Variants in TCF3 observed in about 807,000 individuals in gnomAD.
The protein encoded by TCF3 is transcription factor E2-alpha.
TCF3 carries 54 observed loss-of-function variants against 72.3 expected under a neutral mutation model. The ratio of observed to expected loss-of-function variants is 0.75; its 90% confidence interval spans 0.60 to 0.94. The LOEUF (loss-of-function observed/expected upper bound fraction) is 0.94, where lower values mean the gene tolerates loss of function less well. Among genes scored for constraint, TCF3 ranks in the 40% least tolerant of loss-of-function variants. The pLI, the probability that TCF3 is intolerant of heterozygous loss-of-function variation, is 0.00. For synonymous variants in TCF3, 525 were observed against 412.6 expected (o/e 1.27, Z -3.30); for missense variants, 1,078 against 934.4 (o/e 1.15, Z -2.00).
At chr19:1,651,122 A>AGATGGGG (rs530256168) in intron 1 of TCF3, 163 of 232,114 alleles carry the variant, frequency 7.0e-4, no homozygotes, top group African/African-American at 3.1e-3. Context: ...CTCCATTCTA[A>AGATGGGG]GATGGGGGAT....
chr19:1,650,857 T>TA (rs1433136117), intron 1 of TCF3: 1 of 230,786 alleles, frequency 4.3e-6, no homozygotes, highest in Non-Finnish European at 8.6e-6. Context: ...CTTCAAGACT[T>TA]AAAGTGCCGG....
intron 1 of TCF3, among the ~76,000 whole-genome samples, chr19:1,652,019 C>A (rs2145854521): frequency 6.6e-6 from 1 of 151,154 alleles, no homozygotes. Flanking sequence ...CCGGCGCCCC[C>A]CGCGCCCCCG....
intron 5 of TCF3, 152 bp downstream of exon 5, chr19:1,631,886 G>T: frequency 1.3e-6 from 2 of 1,524,208 alleles, no homozygotes; most frequent in Non-Finnish European, 1.8e-6. Context: ...CCTCCCCGCA[G>T]CTGCTCCCAG....
intron 3 of TCF3, among the ~76,000 whole-genome samples, chr19:1,636,451 A>G (rs1211582109): frequency 2.0e-5 from 3 of 152,066 alleles, no homozygotes; most frequent in East Asian, 1.9e-4. Context: ...ATGAGCCACA[A>G]CGCCTGGTGA....
rs533848977 is a variant in TCF3, at chr19:1,625,653, G to A, written c.422C>T (p.Ser141Leu). The A allele has an allele frequency of 5.1e-5, 78 of 1,541,424 alleles. No individual in the cohort carries two copies. The African/African-American group carries it at 8.4e-4, about 17-fold the overall frequency. The change falls in exon 7 of 19, where the codon TCG becomes TTG. Residue 141 changes from serine (S) to leucine (L), a missense_variant. By Grantham distance (145) the Ser-to-Leu change is moderately radical. Transcript: ENST00000262965. ...GTACTGGGAGGTCCCCTTCATGCCC[G>A]AAGGGGACAGGGGCCCGGGGCTGTT... is the stretch of plus-strand genomic sequence containing the variant. ...ALNSPGPLSPSGMKGTSQYYP... is the reference protein window; with the variant it reads ...ALNSPGPLSPLGMKGTSQYYP...
chr19:1,622,763 T>C (rs1311719668), intron 8 of TCF3, among the ~76,000 whole-genome samples: 1 of 152,060 alleles, frequency 6.6e-6, no homozygotes, highest in African/African-American at 2.4e-5. Context: ...CAACACCCCA[T>C]CCCATCCTTC....
chr19:1,621,582 G>A (rs962577260), intron 11 of TCF3, among the ~76,000 whole-genome samples: 4 of 151,982 alleles, frequency 2.6e-5, no homozygotes, highest in Non-Finnish European at 4.4e-5. Flanking sequence ...ACCCTGGGTG[G>A]GTGAGTCCCT....
chr19:1,633,465 C>A (rs1043556168), intron 3 of TCF3, among the ~76,000 whole-genome samples: 1 of 152,138 alleles, frequency 6.6e-6, no homozygotes, highest in African/African-American at 2.4e-5. Context: ...CCGCCCCGCC[C>A]CCTGCCCTCC....
At chr19:1,612,217 C>G in intron 18 of TCF3, 1 of 1,583,650 alleles carries the variant, frequency 6.3e-7, no homozygotes, top group Admixed American at 1.7e-5. Flanking sequence ...CTCGCACCTG[C>G]TGCTCCAGCC....
rs551318293 is a variant in TCF3, at chr19:1,618,856, G to A, written c.1450+255C>T. Among the ~76,000 whole-genome samples the A allele has an allele frequency of 3.9e-5, 6 of 152,302 alleles. No individual in the cohort carries two copies. The East Asian group carries it at 7.7e-4, about 20-fold the overall frequency. On this transcript the variant is annotated intron_variant, in intron 16 of 18. Coordinates refer to ENST00000262965, the MANE Select transcript of TCF3 (RefSeq NM_003200.5). ...CCTCGCCCCTTCCCCAGTGCTGAGC[G>A]CTGCCAGGCACACAGCGTCTGGGAG...
intron 13 of TCF3, 34 bp downstream of exon 13, chr19:1,620,934 C>T (rs2062122974): frequency 6.9e-7 from 1 of 1,458,600 alleles, no homozygotes; most frequent in Non-Finnish European, 9.1e-7. Context: ...CCTCACAGAC[C>T]TCAGCCTCCC....
At chr19:1,648,683 C>T (rs951155860) in intron 2 of TCF3, among the ~76,000 whole-genome samples, 36 of 152,208 alleles carry the variant, frequency 2.4e-4, no homozygotes, top group African/African-American at 7.7e-4. Flanking sequence ...GCAGGGTGGC[C>T]GGTGTTGTTT....
At chr19:1,622,627 GC>G (rs1253042350) in intron 8 of TCF3, among the ~76,000 whole-genome samples, 1 of 151,936 alleles carries the variant, frequency 6.6e-6, no homozygotes, top group African/African-American at 2.4e-5. Context: ...TCCTTTTCCA[GC>G]CCCCACCTCC....
intron 8 of TCF3, among the ~76,000 whole-genome samples, chr19:1,623,319 G>A (rs1043908710): frequency 6.6e-6 from 1 of 152,054 alleles, no homozygotes; most frequent in Non-Finnish European, 1.5e-5. Context: ...TAGGGAGGCA[G>A]GGATGCGGGG....
rs1394657708 is a variant in TCF3 at position 1,614,162 on chromosome 19, G to C, written c.1822+1123C>G. 6.6e-6 allele frequency among the ~76,000 whole-genome samples: 1 copy of C among 152,242 alleles called. No homozygotes were observed. Among genetic ancestry groups the C allele is most frequent in the African/African-American group, 2.4e-5 (1 of 41,454 alleles). On this transcript the variant is annotated intron_variant, in intron 18 of 18. Transcript: ENST00000262965. This position sits in a 1 kb window ranked among gnomAD's most constrained non-coding sequence, Gnocchi z 5.6. ...GTCTGGCCCAGTGCCCAGCATGCCTGGTGCCCTGTCTTAGTCTCTAGGGGG... is the reference window on the plus strand; with the variant it reads ...GTCTGGCCCAGTGCCCAGCATGCCTCGTGCCCTGTCTTAGTCTCTAGGGGG...
chr19:1,611,459 G>C lies in TCF3; in HGVS notation c.*248C>G, dbSNP rs1599393345. 2 of 488,662 alleles carry C rather than the reference G, an allele frequency of 4.1e-6. No homozygotes were observed. Among genetic ancestry groups the C allele is most frequent in the Non-Finnish European group, 3.6e-6 (1 of 279,668 alleles). The allele number at this position is 488,662 out of a possible 1,614,324, so 30.3% of individuals were successfully genotyped here. On this transcript the variant is annotated 3_prime_UTR_variant, in exon 19 of 19. Coordinates refer to ENST00000262965, the MANE Select transcript of TCF3 (RefSeq NM_003200.5). ...ATGGGACAGGTCACAGAGTGACACG[G>C]TGGCTGAGATTCGGGGACAGGGGGA... is the stretch of plus-strand genomic sequence containing the variant.
At chr19:1,651,510 A>ATGTC (rs531143820) in intron 1 of TCF3, among the ~76,000 whole-genome samples, 2 of 152,324 alleles carry the variant, frequency 1.3e-5, no homozygotes, top group South Asian at 4.1e-4. Flanking sequence ...ATTTTAAGAC[A>ATGTC]GACTTAGTTG....
In TCF3 at chr19:1,615,749, G is replaced by A. The variant is rs139492270; in HGVS notation, c.1523C>T (p.Thr508Met). The change falls in exon 17 of 19, where the codon ACG (threonine) becomes ATG (methionine). Residue 508 changes from threonine to methionine, a missense_variant. Transcript: ENST00000262965. This position sits in a 1 kb window ranked among gnomAD's most constrained non-coding sequence, Gnocchi z 7.3. ...CTCCTCCGAGTGGTCAGCCGCTGAC[G>A]TGTTCTCCTCGTCCTCCTTCTCCTC... is the stretch of plus-strand genomic sequence containing the variant. ...KREEKEDEEN[T>M]SAADHSEEEK... The A allele has an allele frequency of 3.6e-4, 582 of 1,609,908 alleles. No individual in the cohort carries two copies. The highest frequency in any genetic ancestry group is 4.8e-4 in the Non-Finnish European group (562 of 1,177,390).
rs1021822185 is a variant in TCF3 at position 1,615,825 on chromosome 19, C to T, written c.1451-4G>A. The T allele has an allele frequency of 9.0e-6, 14 of 1,552,420 alleles. No homozygotes were observed. Among genetic ancestry groups the T allele is most frequent in the Non-Finnish European group, 1.1e-5 (13 of 1,146,282 alleles). On this transcript the variant is annotated splice_region_variant and splice_polypyrimidine_tract_variant and intron_variant, in intron 16 of 18. Coordinates refer to ENST00000262965, the MANE Select transcript of TCF3 (RefSeq NM_003200.5). This position sits in a 1 kb window ranked among gnomAD's most constrained non-coding sequence, Gnocchi z 7.3. Reference sequence around the variant, plus strand: ...GTGGCACCTGCTCGCCCTAGCCCTGCAACAGGCCTAGGGTCAGGGGCCTGC... The same window carrying T: ...GTGGCACCTGCTCGCCCTAGCCCTGTAACAGGCCTAGGGTCAGGGGCCTGC...
Sources: allele counts gnomAD v4.1 joint callset (sites outside exome capture counted in the v4.1 genomes callset), GRCh38; gene constraint gnomAD v4.1.1; non-coding constraint Gnocchi (gnomAD v3.1); transcripts MANE v1.5; gene names NCBI Gene and HGNC (gene_info 2026-07-23, HGNC 2026-07-21).